Variants in FDXR observed in about 807,000 individuals in gnomAD.
FDXR encodes ferredoxin reductase.
In FDXR, 38 loss-of-function variants were observed where a neutral mutation model predicts 58.3. The ratio of observed to expected loss-of-function variants is 0.65; its 90% CI spans 0.50 to 0.85. The LOEUF (loss-of-function observed/expected upper bound fraction) is 0.85, where lower values mean the gene tolerates loss of function less well. Among genes scored for constraint, FDXR ranks in the 40% least tolerant of loss-of-function variants. The pLI is 0.00. For synonymous variants in FDXR, 275 were observed against 273.8 expected, an observed-to-expected ratio of 1.00 and a Z score of -0.04; for missense variants, 624 against 671.0, an observed-to-expected ratio of 0.93 and a Z score of 0.77.
At chr17:74,865,359 G>A (rs1192245383) in intron 6 of FDXR, among the ~76,000 whole-genome samples, 2 of 152,128 alleles carry the variant, frequency 1.3e-5, no homozygotes, top group African/African-American at 4.8e-5. Flanking sequence ...GAGGAGGCAC[G>A]ATGGGGGAGT....
At chr17:74,864,604 C>T in intron 7 of FDXR, 40 bp from the exon 8 acceptor site, 1 of 1,579,422 alleles carries the variant, frequency 6.3e-7, no homozygotes, top group South Asian at 1.1e-5. Flanking sequence ...GAGGTCAGGC[C>T]CAGAACACAG....
In FDXR at chr17:74,866,846, T is replaced by C. The variant is rs768597604; in HGVS notation, c.208A>G (p.Lys70Glu). 6.2e-7 allele frequency: 1 copy of C among 1,614,172 alleles called. No individual in the cohort carries two copies. The highest frequency in any genetic ancestry group is 1.1e-5 in the South Asian group (1 of 91,086). Reference sequence around the variant, plus strand: ...ACCAGGCCAAAGGGCACAGGCTGTTTCTCGTAGATGTCCACGTGGGCCTGG... The same window carrying C: ...ACCAGGCCAAAGGGCACAGGCTGTTCCTCGTAGATGTCCACGTGGGCCTGG... ...HPQAHVDIYE[K>E]QPVPFGLVRF... Residue 70 changes from lysine to glutamate, a missense_variant, in exon 3 of 12, where the codon AAA becomes GAA. Physicochemically the swap from Lys to Glu is moderately conservative, Grantham distance 56. Coordinates refer to ENST00000293195, the MANE Select transcript of FDXR (RefSeq NM_024417.5).
chr17:74,870,758 C>T (rs1399272160), intron 2 of FDXR, among the ~76,000 whole-genome samples: 1 of 151,092 alleles, frequency 6.6e-6, no homozygotes, highest in African/African-American at 2.4e-5. Context: ...TCACCAAAGC[C>T]CTTGGTCTGC....
chr17:74,863,283 G>A (rs753815026), intron 10 of FDXR, 37 bp from the exon 11 acceptor site: 5 of 1,584,846 alleles, frequency 3.2e-6, no homozygotes, highest in Non-Finnish European at 2.6e-6. Flanking sequence ...GGAGGGAGGT[G>A]GCTGGATACC....
chr17:74,867,754 C>G (rs1159423356), intron 2 of FDXR, among the ~76,000 whole-genome samples: 1 of 152,140 alleles, frequency 6.6e-6, no homozygotes, highest in Non-Finnish European at 1.5e-5. Flanking sequence ...GTCCAGCAGG[C>G]AAGTCTGGTA....
Position 74,865,761 on chromosome 17 carries a change from C to G in FDXR, c.567G>C (p.Leu189=), listed in dbSNP as rs765484887. 8 of 1,613,622 alleles carry G rather than the reference C, an allele frequency of 5.0e-6. No homozygotes were observed. In the South Asian group the frequency reaches 8.8e-5, roughly 18 times the overall value. The change falls in exon 6 of 12, where the codon CTG becomes CTC. Residue 189 remains leucine, a synonymous_variant. Transcript: ENST00000293195. ...GGGTCAGTAGGATGCGGGCCACGTCCAGAGCCACGTTCCCCTGCCCCAGAA... is the reference window on the plus strand; with the variant it reads ...GGGTCAGTAGGATGCGGGCCACGTCGAGAGCCACGTTCCCCTGCCCCAGAA... ...AVILGQGNVA[L]DVARILLTPP...
chr17:74,862,775 C>T lies in FDXR; in HGVS notation c.*42G>A. 1.3e-6 allele frequency: 2 copies of T among 1,581,998 alleles called. No individual in the cohort carries two copies. Among genetic ancestry groups the T allele is most frequent in the East Asian group, 2.2e-5 (1 of 44,638 alleles). On this transcript the variant is annotated 3_prime_UTR_variant, in exon 12 of 12. Transcript: ENST00000293195. ...ACGGACCCAGCCCTTCCCCTCCCAA[C>T]ACTCATCCCTTCCCTGCTGGGGGCC...
chr17:74,866,364 C>A, intron 4 of FDXR, 82 bp downstream of exon 4: 1 of 1,582,492 alleles, frequency 6.3e-7, no homozygotes. Context: ...ATCCTGGCCT[C>A]ACCCCTGCTG....
intron 1 of FDXR, 110 bp downstream of exon 1, chr17:74,872,753 ACCC>A: frequency 6.5e-7 from 1 of 1,531,436 alleles, no homozygotes; most frequent in African/African-American, 1.4e-5. Context: ...GCAGGAAGAC[ACCC>A]CTTCAGTCTC....
At position 74,864,109 on chromosome 17, in the gene FDXR, G is replaced by A. The variant is rs369953619; in HGVS notation, c.1002+39C>T. On this transcript the variant is annotated intron_variant, in intron 9 of 11. Coordinates refer to ENST00000293195, the MANE Select transcript of FDXR (RefSeq NM_024417.5). ...GGGCAACACCAGGCGGGTGGCAGAG[G>A]CCTGGGAAGGGGGTGTCTTTGGGAA... The A allele has an allele frequency of 3.0e-5, 48 of 1,613,246 alleles. No individual in the cohort carries two copies. In the African/African-American group the frequency reaches 4.9e-4, roughly 17 times the overall value.
chr17:74,862,719 G>C lies in FDXR; in HGVS notation c.*98C>G, dbSNP rs1025136017. The C allele has an allele frequency of 5.5e-6, 8 of 1,452,998 alleles. No homozygotes were observed. In the Admixed American group the frequency reaches 6.7e-5, roughly 12 times the overall value. 90.0% of individuals were successfully genotyped at this position (1,452,998 alleles called of 1,614,324 possible). A position where few individuals can be genotyped will look rare whatever the true frequency, so the allele number is the denominator to read the frequency against. On this transcript the variant is annotated 3_prime_UTR_variant, in exon 12 of 12. Coordinates refer to ENST00000293195, the MANE Select transcript of FDXR (RefSeq NM_024417.5). Reference sequence around the variant, plus strand: ...CCAAGCCTCCAAGCCAGGGCCGGCCGGGATCAGCAGAGGTGCAAAGTCCCA... The same window carrying C: ...CCAAGCCTCCAAGCCAGGGCCGGCCCGGATCAGCAGAGGTGCAAAGTCCCA...
At chr17:74,863,587 A>C (rs690307) in intron 10 of FDXR, among the ~76,000 whole-genome samples, 114,465 of 152,104 alleles carry the variant, frequency 0.75, 43,442 homozygotes, top group Admixed American at 0.8. Flanking sequence ...TAAAACTGGA[A>C]GCTCCCTGAG....
chr17:74,866,711 C>T lies in FDXR; in HGVS notation c.270+73G>A. 4.4e-6 allele frequency: 7 copies of T among 1,591,890 alleles called. No individual in the cohort carries two copies. The South Asian group carries it at 6.6e-5, about 15-fold the overall frequency. ...ACGGCATGAAGTCCTGTCATCCAGC[C>T]AGGGAGCCTCCCTGCCCTCCTCATC... On this transcript the variant is annotated intron_variant, in intron 3 of 11. Transcript: ENST00000293195.
At position 74,872,079 on chromosome 17, in the gene FDXR, C is replaced by A; in HGVS notation, c.134G>T (p.Gly45Val). ...QEKTPQICVV[G>V]SGPAGFYTAQ... is the part of the protein sequence containing the mutation. ...CGTGTAGAAGCCAGCTGGGCCACTG[C>A]CCACCACACAGATCTGGGGGGTCTT... Residue 45 changes from glycine (G) to valine (V), a missense_variant, in exon 2 of 12, where the codon GGC (glycine) becomes GTC (valine). Gly to Val is a moderately radical substitution (Grantham distance 109). Transcript: ENST00000293195. The A allele has an allele frequency of 6.2e-7, 1 of 1,605,654 alleles. No homozygotes were observed. The highest frequency in any genetic ancestry group is 1.3e-5 in the African/African-American group (1 of 74,656).
chr17:74,863,190 T>C lies in FDXR; in HGVS notation c.1231A>G (p.Met411Val). 2 of 1,613,818 alleles carry C rather than the reference T, an allele frequency of 1.2e-6. No homozygotes were observed. The highest frequency in any genetic ancestry group is 1.7e-6 in the Non-Finnish European group (2 of 1,179,976). The stretch of plus-strand genomic sequence containing the variant: ...TGGCCGGTGAGGAAGCTGTCAGTCA[T>C]GGTTGTGGCTATGACACCTGTAGGT... Reference protein sequence around the residue: ...RGPTGVIATTMTDSFLTGQML... With the variant: ...RGPTGVIATTVTDSFLTGQML... Residue 411 changes from methionine (M) to valine (V), a missense_variant, in exon 11 of 12, where the codon ATG (methionine) becomes GTG (valine). Met to Val is a conservative substitution (Grantham distance 21). Coordinates refer to ENST00000293195, the MANE Select transcript of FDXR (RefSeq NM_024417.5).
chr17:74,863,980 T>C lies in FDXR; in HGVS notation c.1090A>G (p.Ser364Gly), dbSNP rs1051161151. ...GLVLSSIGYK[S>G]RPVDPSVPFD... is the part of the protein sequence containing the mutation. ...GGCACGCTTGGGTCGACAGGGCGGCTCTTATACCCAATGCTGCTGAGCACC... is the reference window on the plus strand; with the variant it reads ...GGCACGCTTGGGTCGACAGGGCGGCCCTTATACCCAATGCTGCTGAGCACC... Residue 364 changes from serine (S) to glycine (G), a missense_variant, in exon 10 of 12, where the codon AGC becomes GGC. Physicochemically the swap from Ser to Gly is moderately conservative, Grantham distance 56. Coordinates refer to ENST00000293195, the MANE Select transcript of FDXR (RefSeq NM_024417.5). 1 of 1,614,022 alleles carries C rather than the reference T, an allele frequency of 6.2e-7. No individual in the cohort carries two copies. Among genetic ancestry groups the C allele is most frequent in the African/African-American group, 1.3e-5 (1 of 75,042 alleles).
In FDXR at chr17:74,863,219, CT is replaced by C; in HGVS notation, c.1201del (p.Arg401GlufsTer7). The C allele has an allele frequency of 6.2e-7, 1 of 1,613,346 alleles. No individual in the cohort carries two copies. The highest frequency in any genetic ancestry group is 1.1e-5 in the South Asian group (1 of 90,958). On this transcript the variant is annotated frameshift_variant, in exon 11 of 12. Coordinates refer to ENST00000293195, the MANE Select transcript of FDXR (RefSeq NM_024417.5). LOFTEE classifies it high-confidence loss of function. ...PGLYCSGWVK[R>X]GPTGVIATTM... ...TGTGGCTATGACACCTGTAGGTCCT[CT>C]CTTCACCCAGCCGCTGCAGTAGAGG...
intron 2 of FDXR, chr17:74,870,003 G>C (rs969952939): frequency 2.2e-6 from 1 of 451,600 alleles, no homozygotes; most frequent in Non-Finnish European, 4.5e-6. Flanking sequence ...AGGATGCTAC[G>C]AGATGCTGTG....
rs1479422711 is a variant in FDXR, at chr17:74,863,897, T to C, written c.1173A>G (p.Pro391=). ...CCCAGCCTCCTCACACCCTCTCACC[T>C]GGCACATCCATAACCCGGCCCTCCA... ...PNVEGRVMDV[P]GLYCSGWVKR... Residue 391 remains proline (P), a splice_region_variant and synonymous_variant, in exon 10 of 12, where the codon CCA becomes CCG. Transcript: ENST00000293195. The C allele has an allele frequency of 6.2e-7, 1 of 1,611,126 alleles. No homozygotes were observed.
Sources: gnomAD v4.1 joint callset for allele counts (sites outside exome capture counted in the v4.1 genomes callset) on GRCh38, gnomAD v4.1.1 for gene constraint, MANE v1.5 for transcripts, NCBI Gene and HGNC (gene_info 2026-07-23, HGNC 2026-07-21) for gene names.